Variants in DMD observed in about 807,000 individuals in gnomAD.
DMD encodes dystrophin, also known as mutant dystrophin.
Under a neutral mutation model 330.1 loss-of-function variants are expected in DMD, and 63 were observed. That is an observed-to-expected ratio of 0.19 (90% CI 0.16 to 0.24). The LOEUF is 0.24. DMD is among the 10% of genes least tolerant of loss of function. The probability of loss-of-function intolerance (pLI) is 1.00; values close to 1 mark genes in which losing one functional copy is unlikely to be tolerated. For missense variants in DMD, 3,344 were observed against 2,684.1 expected (o/e 1.25, Z -5.43); for synonymous variants, 1,223 against 959.8 (o/e 1.27, Z -5.07).
chrX:32,342,600 G>A (rs2097749323), intron 40 of DMD: 3 of 300,178 alleles, frequency 1.0e-5, no homozygotes, highest in Non-Finnish European at 1.7e-5. Flanking sequence ...TATTTATTAG[G>A]GACCGTCCAC....
At chrX:32,488,586 G>T (rs2042698820) in intron 20 of DMD, among the ~76,000 whole-genome samples, 1 of 111,706 alleles carries the variant, frequency 9.0e-6, no homozygotes, top group South Asian at 3.8e-4. Flanking sequence ...TTTACCTAAA[G>T]TGATTCTTCA....
chrX:32,472,151 A>C lies in DMD; in HGVS notation c.2949+13T>G. On this transcript the variant is annotated intron_variant, in intron 22 of 78. Coordinates refer to ENST00000357033, the MANE Select transcript of DMD (RefSeq NM_004006.3). ...GCGTGCTTTATTGTTTTGACATTCA[A>C]ATATTCACAGACCTGCAATTCCCCG... 2.5e-6 allele frequency: 3 copies of C among 1,210,102 alleles called. No individual in the cohort carries two copies. The highest frequency in any genetic ancestry group is 3.4e-6 in the Non-Finnish European group (3 of 894,231).
Position 32,312,942 on chromosome X carries a change from C to CAAAAAAAAAAAAAAAAAAA in DMD, c.5923-2685_5923-2667dup, listed in dbSNP as rs767993498. On this transcript the variant is annotated intron_variant, in intron 41 of 78. Coordinates refer to ENST00000357033, the MANE Select transcript of DMD (RefSeq NM_004006.3). ...ATTGAGGCAGTAATAGCCTACGAAC[C>CAAAAAAAAAAAAAAAAAAA]AAAAAAAAAAAAAAAAAAAAAAGCC... 1.1e-3 allele frequency among the ~76,000 whole-genome samples: 23 copies of CAAAAAAAAAAAAAAAAAAA among 20,404 alleles called. 4 individuals are homozygous for CAAAAAAAAAAAAAAAAAAA. Among genetic ancestry groups the CAAAAAAAAAAAAAAAAAAA allele is most frequent in the Admixed American group, 4.1e-3 (4 of 964 alleles). 17.7% of individuals were successfully genotyped at this position (20,404 alleles called of 115,157 possible).
At chrX:32,098,236 T>G (rs1308556183) in intron 44 of DMD, among the ~76,000 whole-genome samples, 1 of 111,429 alleles carries the variant, frequency 9.0e-6, no homozygotes, top group Non-Finnish European at 1.9e-5. Context: ...TATAAATATA[T>G]AGAAATAAAT....
intron 60 of DMD, among the ~76,000 whole-genome samples, chrX:31,350,636 A>T (rs74989677): frequency 0.11 from 3,619 of 32,326 alleles, 78 homozygotes; most frequent in Non-Finnish European, 0.19. Context: ...TGTGTGTGAG[A>T]GAGAGAGAGA....
At chrX:31,195,756 G>A in intron 67 of DMD, among the ~76,000 whole-genome samples, 1 of 104,707 alleles carries the variant, frequency 9.6e-6, no homozygotes, top group Non-Finnish European at 2.0e-5. Context: ...GAGGGAGAGA[G>A]AGAGAACGAA....
chrX:32,780,284 C>A (rs73621830), intron 7 of DMD, among the ~76,000 whole-genome samples: 2,929 of 112,012 alleles, frequency 0.026, 97 homozygotes, highest in African/African-American at 0.09. Flanking sequence ...TACTAGAAGC[C>A]GACATTCTTA....
chrX:32,452,403 A>AGGAAAGGGAAAG (rs1271217615), intron 26 of DMD, among the ~76,000 whole-genome samples: 2 of 8,294 alleles, frequency 2.4e-4, no homozygotes, highest in Non-Finnish European at 5.7e-4. Context: ...GGGAAGGGAA[A>AGGAAAGGGAAAG]GGAAAGGGAA....
chrX:32,684,018 TACACACACACACAC>T (rs369735561), intron 9 of DMD, among the ~76,000 whole-genome samples: 16 of 70,929 alleles, frequency 2.3e-4, no homozygotes, highest in South Asian at 5.8e-4. Context: ...CACACATACA[TACACACACACACAC>T]ACACACACAC....
chrX:31,657,526 G>T (rs2080856223), intron 54 of DMD, among the ~76,000 whole-genome samples: 1 of 111,442 alleles, frequency 9.0e-6, no homozygotes, highest in African/African-American at 3.3e-5. Context: ...ATGAAGTGAC[G>T]AGTCATATTG....
At chrX:32,627,244 T>TCCA (rs1299067607) in intron 11 of DMD, among the ~76,000 whole-genome samples, 1 of 91,772 alleles carries the variant, frequency 1.1e-5, no homozygotes, top group Admixed American at 1.3e-4. Context: ...CCAGACAACA[T>TCCA]GACTTGTTAG....
intron 1 of DMD, among the ~76,000 whole-genome samples, chrX:33,313,594 C>T (rs534943050): frequency 9.1e-6 from 1 of 110,331 alleles, no homozygotes; most frequent in African/African-American, 3.3e-5. Context: ...TTCTTGTTAC[C>T]AACTGAAGAA....
rs1171543953 is a variant in DMD, at chrX:32,312,941, C to CAAAAAAAAAAAAAA, written c.5923-2666_5923-2665insTTTTTTTTTTTTTT. Among the ~76,000 whole-genome samples, 8 of 19,195 alleles carry CAAAAAAAAAAAAAA rather than the reference C, an allele frequency of 4.2e-4. 1 individual carries two copies. Among genetic ancestry groups the CAAAAAAAAAAAAAA allele is most frequent in the Admixed American group, 2.0e-3 (2 of 1,010 alleles). The allele number at this position is 19,195 out of a possible 115,157, so 16.7% of individuals were successfully genotyped here. On this transcript the variant is annotated intron_variant, in intron 41 of 78. Coordinates refer to ENST00000357033, the MANE Select transcript of DMD (RefSeq NM_004006.3). Reference sequence around the variant, plus strand: ...AATTGAGGCAGTAATAGCCTACGAACCAAAAAAAAAAAAAAAAAAAAAAGC... The same window carrying CAAAAAAAAAAAAAA: ...AATTGAGGCAGTAATAGCCTACGAACAAAAAAAAAAAAAACAAAAAAAAAAAAAAAAAAAAAAGC...
chrX:31,476,012 A>T (rs751863267), intron 59 of DMD, among the ~76,000 whole-genome samples: 1 of 111,163 alleles, frequency 9.0e-6, no homozygotes, highest in East Asian at 2.9e-4. Context: ...GTACAGCATG[A>T]TCCTTGCTCT....
chrX:31,735,944 C>T (rs2086842372), intron 51 of DMD, among the ~76,000 whole-genome samples: 1 of 111,765 alleles, frequency 8.9e-6, no homozygotes, highest in Admixed American at 9.5e-5. Flanking sequence ...CAAGGATCTG[C>T]ATTAGAAGGG....
chrX:32,156,264 C>T (rs1397974744), intron 44 of DMD, among the ~76,000 whole-genome samples: 2 of 111,671 alleles, frequency 1.8e-5, no homozygotes, highest in Admixed American at 1.9e-4. Flanking sequence ...CCTGTAATCT[C>T]AGCTACTCGG....
At chrX:32,794,144 C>CA (rs1279247743) in intron 7 of DMD, among the ~76,000 whole-genome samples, 10 of 111,753 alleles carry the variant, frequency 8.9e-5, no homozygotes, top group African/African-American at 2.9e-4. Context: ...TCAATAGACA[C>CA]AAAAGAACAT....
intron 43 of DMD, among the ~76,000 whole-genome samples, chrX:32,246,951 C>T (rs1197415420): frequency 5.4e-5 from 6 of 111,050 alleles, no homozygotes; most frequent in African/African-American, 2.0e-4. Flanking sequence ...GCTAAATGCA[C>T]ACACACCCAC....
At chrX:33,311,730 G>A (rs1030193381) in intron 1 of DMD, among the ~76,000 whole-genome samples, 4 of 109,630 alleles carry the variant, frequency 3.6e-5, no homozygotes, top group Non-Finnish European at 5.7e-5. Context: ...CTTATGCGTA[G>A]GGTTCTGTTT....
Sources: gnomAD v4.1 joint callset for allele counts (sites outside exome capture counted in the v4.1 genomes callset) on GRCh38, gnomAD v4.1.1 for gene constraint, MANE v1.5 for transcripts, NCBI Gene and HGNC (gene_info 2026-07-23, HGNC 2026-07-21) for gene names.